ARCN1: variants seen among roughly 807,000 people sequenced by gnomAD.
The protein encoded by ARCN1 is coatomer subunit delta.
A neutral mutation model predicts 60.4 loss-of-function variants in ARCN1; 5 were observed. That is an observed-to-expected ratio of 0.08 (90% CI 0.04 to 0.17). The LOEUF is 0.17. ARCN1 is among the 10% of genes least tolerant of loss of function. ARCN1 has a pLI of 1.00. For missense variants in ARCN1, 464 were observed against 626.5 expected (o/e 0.74, Z 2.77); for synonymous variants, 224 against 220.0 (o/e 1.02, Z -0.16).
intron 9 of ARCN1, 106 bp downstream of exon 9, chr11:118,598,017 C>G: frequency 9.6e-7 from 1 of 1,036,884 alleles, no homozygotes; most frequent in South Asian, 1.6e-5. Flanking sequence ...AGATAAAGCT[C>G]AGAAAAAAAC....
intron 2 of ARCN1, among the ~76,000 whole-genome samples, chr11:118,581,979 T>C (rs1483054696): frequency 7.7e-6 from 1 of 130,582 alleles, no homozygotes; most frequent in East Asian, 3.8e-4. Flanking sequence ...TTTTAAGACT[T>C]TATGCCAAAG....
intron 8 of ARCN1, among the ~76,000 whole-genome samples, chr11:118,596,590 GTT>G (rs1310932593): frequency 6.6e-6 from 1 of 152,184 alleles, no homozygotes; most frequent in Non-Finnish European, 1.5e-5. Flanking sequence ...CACCCTTAAA[GTT>G]TACTTTGTCT....
At chr11:118,597,672 A>C (rs782644088) in intron 8 of ARCN1, 35 bp from the exon 9 acceptor site, 31 of 1,608,806 alleles carry the variant, frequency 1.9e-5, no homozygotes, top group Non-Finnish European at 2.5e-5. Flanking sequence ...TCTAGCTCTG[A>C]ACAGCTACCT....
At chr11:118,591,498 TCTC>T (rs1259992125) in intron 6 of ARCN1, among the ~76,000 whole-genome samples, 1 of 152,268 alleles carries the variant, frequency 6.6e-6, no homozygotes, top group East Asian at 1.9e-4. Flanking sequence ...TTGAAGCAGT[TCTC>T]CTGCCTCAGC....
chr11:118,577,538 C>T (rs1938547538), intron 1 of ARCN1, among the ~76,000 whole-genome samples: 1 of 152,170 alleles, frequency 6.6e-6, no homozygotes, highest in Non-Finnish European at 1.5e-5. Flanking sequence ...AGCCACCGCT[C>T]CCGGCCTAAA....
intron 3 of ARCN1, 132 bp downstream of exon 3, chr11:118,583,490 A>T: frequency 8.8e-7 from 1 of 1,132,070 alleles, no homozygotes; most frequent in Non-Finnish European, 1.2e-6. Flanking sequence ...ACAGTGGCTC[A>T]TGTCTGTAAT....
At chr11:118,599,110 A>G (rs1436466428) in intron 9 of ARCN1, among the ~76,000 whole-genome samples, 7 of 128,222 alleles carry the variant, frequency 5.5e-5, no homozygotes, top group African/African-American at 2.1e-4. Flanking sequence ...TTTTTTTTTT[A>G]AGACGGAGTT....
intron 1 of ARCN1, among the ~76,000 whole-genome samples, chr11:118,577,869 T>C (rs575253048): frequency 6.6e-6 from 1 of 152,148 alleles, no homozygotes; most frequent in Non-Finnish European, 1.5e-5. Flanking sequence ...ATCAGTAAAG[T>C]GGATGGGCCA....
At chr11:118,595,175 C>G (rs1451265342) in intron 8 of ARCN1, among the ~76,000 whole-genome samples, 3 of 152,190 alleles carry the variant, frequency 2.0e-5, no homozygotes, top group African/African-American at 7.2e-5. Context: ...GATGTTGGTC[C>G]TCAGCTTGTT....
intron 5 of ARCN1, among the ~76,000 whole-genome samples, chr11:118,588,556 CATT>C (rs1555075802): frequency 1.3e-5 from 2 of 152,158 alleles, no homozygotes; most frequent in African/African-American, 2.4e-5. Context: ...ATTATTGTAT[CATT>C]GTTAGCCTGG....
chr11:118,577,890 C>T (rs1938558578), intron 1 of ARCN1, among the ~76,000 whole-genome samples: 1 of 152,148 alleles, frequency 6.6e-6, no homozygotes, highest in Non-Finnish European at 1.5e-5. Flanking sequence ...GGTGCAGTGG[C>T]TCACTCCTGT....
chr11:118,584,711 A>C (rs1938738072), intron 5 of ARCN1, 67 bp downstream of exon 5: 1 of 1,337,696 alleles, frequency 7.5e-7, no homozygotes, highest in Non-Finnish European at 1.0e-6. Flanking sequence ...TAAAAATCTT[A>C]TTTCAGTGTG....
At chr11:118,578,679 CTG>C in intron 1 of ARCN1, among the ~76,000 whole-genome samples, 1 of 152,106 alleles carries the variant, frequency 6.6e-6, no homozygotes, top group South Asian at 2.1e-4. Context: ...TTCCCTGAAA[CTG>C]TATGTAAAAT....
At chr11:118,587,646 C>T (rs901464944) in intron 5 of ARCN1, among the ~76,000 whole-genome samples, 5 of 152,096 alleles carry the variant, frequency 3.3e-5, no homozygotes, top group East Asian at 1.9e-4. Flanking sequence ...TAGATTTTTC[C>T]GCACACATCA....
At position 118,595,294 on chromosome 11, in the gene ARCN1, G is replaced by A. The variant is rs115250137; in HGVS notation, c.1241+1596G>A. On this transcript the variant is annotated intron_variant, in intron 8 of 9. Coordinates refer to ENST00000264028, the MANE Select transcript of ARCN1 (RefSeq NM_001655.5). ...ATCGGGCTGAATGTTTCATTTTCAC[G>A]TGCTAGTCTCTAAACTTTCACTAAA... Among the ~76,000 whole-genome samples the A allele has an allele frequency of 7.3e-3, 1,118 of 152,266 alleles. 20 individuals carry two copies. Among genetic ancestry groups the A allele is most frequent in the African/African-American group, 0.025 (1,025 of 41,544 alleles).
intron 1 of ARCN1, among the ~76,000 whole-genome samples, chr11:118,579,220 T>C (rs1285573762): frequency 6.6e-6 from 1 of 152,072 alleles, no homozygotes; most frequent in Non-Finnish European, 1.5e-5. Context: ...GTTTTTCTAA[T>C]ATCAGCTTGG....
intron 1 of ARCN1, among the ~76,000 whole-genome samples, chr11:118,575,100 T>G (rs1040806080): frequency 2.2e-4 from 33 of 152,212 alleles, no homozygotes; most frequent in African/African-American, 6.3e-4. Flanking sequence ...TGCCTCAGCC[T>G]CCTGAGTAGC....
At position 118,590,610 on chromosome 11, in the gene ARCN1, T is replaced by C. The variant is rs1011510382; in HGVS notation, c.984+104T>C. 2.1e-5 allele frequency: 26 copies of C among 1,214,078 alleles called. No homozygotes were observed. The East Asian group carries it at 5.3e-4, about 25-fold the overall frequency. The allele number at this position is 1,214,078 out of a possible 1,614,324, so 75.2% of individuals were successfully genotyped here. ...GAACCACAGAAAATTACTTAAGTTATATAACTAGCATCACTCTAAACGCTT... is the reference window on the plus strand; with the variant it reads ...GAACCACAGAAAATTACTTAAGTTACATAACTAGCATCACTCTAAACGCTT... On this transcript the variant is annotated intron_variant, in intron 6 of 9. Transcript: ENST00000264028.
At chr11:118,586,377 G>A (rs1449107136) in intron 5 of ARCN1, among the ~76,000 whole-genome samples, 11 of 152,280 alleles carry the variant, frequency 7.2e-5, no homozygotes, top group Admixed American at 3.9e-4. Flanking sequence ...GATTATAGGC[G>A]TGAGCCACCG....
Sources: allele counts gnomAD v4.1 joint callset (sites outside exome capture counted in the v4.1 genomes callset), GRCh38; gene constraint gnomAD v4.1.1; transcripts MANE v1.5; gene names NCBI Gene and HGNC (gene_info 2026-07-23, HGNC 2026-07-21).